ENPP6: variants seen among roughly 807,000 people sequenced by gnomAD.
The protein encoded by ENPP6 is glycerophosphocholine cholinephosphodiesterase ENPP6.
In ENPP6, 32 loss-of-function variants were observed where a neutral mutation model predicts 42.0. That is an observed-to-expected ratio of 0.76 (90% CI 0.58 to 1.02). ENPP6 has a LOEUF of 1.02. Ranked by LOEUF, ENPP6 falls within the 50% of genes least tolerant of loss-of-function variation. The pLI is 0.00. For missense variants in ENPP6, 552 were observed against 566.8 expected (o/e 0.97, Z 0.27); for synonymous variants, 213 against 216.0 (o/e 0.99, Z 0.12).
chr4:184,157,225 G>A (rs1737174521), intron 1 of ENPP6, among the ~76,000 whole-genome samples: 1 of 152,094 alleles, frequency 6.6e-6, no homozygotes, highest in South Asian at 2.1e-4. Context: ...TTTTGCATCC[G>A]CTGACCCCAC....
chr4:184,193,481 G>A (rs1435262206), intron 1 of ENPP6, among the ~76,000 whole-genome samples: 2 of 152,184 alleles, frequency 1.3e-5, no homozygotes, highest in African/African-American at 4.8e-5. Context: ...GTGAGGATGG[G>A]AAGCAACTGC....
intron 2 of ENPP6, among the ~76,000 whole-genome samples, chr4:184,125,220 T>C (rs1736483150): frequency 6.6e-6 from 1 of 152,146 alleles, no homozygotes; most frequent in Non-Finnish European, 1.5e-5. Flanking sequence ...CAGGCATCAC[T>C]TCCTCCTGAA....
intron 5 of ENPP6, among the ~76,000 whole-genome samples, chr4:184,116,457 G>A (rs1005479992): frequency 1.2e-4 from 18 of 152,108 alleles, no homozygotes; most frequent in Non-Finnish European, 2.5e-4. Context: ...AGGAAAGGCC[G>A]GGCGTGGTGG....
chr4:184,133,044 AAGT>A (rs1322072621), intron 2 of ENPP6, among the ~76,000 whole-genome samples: 3 of 152,088 alleles, frequency 2.0e-5, no homozygotes, highest in Admixed American at 2.0e-4. Flanking sequence ...TTGTAGTTTA[AAGT>A]AGGTCTGTAT....
intron 7 of ENPP6, among the ~76,000 whole-genome samples, chr4:184,094,165 A>C (rs1380011452): frequency 6.6e-6 from 1 of 151,746 alleles, no homozygotes; most frequent in Non-Finnish European, 1.5e-5. Flanking sequence ...TGTAGTCCCA[A>C]CTACTCAGGA....
rs191005965 is a variant in ENPP6, at chr4:184,117,723, G to C, written c.675+36C>G. Reference sequence around the variant, plus strand: ...GAGGAGACAAACAGAGGGTGACAGAGAGAAGGCCAGGCCACGTGTCTTTGC... The same window carrying C: ...GAGGAGACAAACAGAGGGTGACAGACAGAAGGCCAGGCCACGTGTCTTTGC... On this transcript the variant is annotated intron_variant, in intron 4 of 7. Coordinates refer to ENST00000296741, the MANE Select transcript of ENPP6 (RefSeq NM_153343.4). The C allele has an allele frequency of 6.4e-4, 1,033 of 1,607,880 alleles. 3 individuals carry two copies. The highest frequency in any genetic ancestry group is 6.7e-4 in the Non-Finnish European group (789 of 1,175,106).
intron 2 of ENPP6, among the ~76,000 whole-genome samples, chr4:184,124,483 C>T (rs948295129): frequency 5.3e-5 from 8 of 152,186 alleles, no homozygotes; most frequent in African/African-American, 1.9e-4. Flanking sequence ...CATTCCTATG[C>T]AACACTGGTG....
chr4:184,098,216 C>T (rs1390046487), intron 6 of ENPP6, among the ~76,000 whole-genome samples: 2 of 152,286 alleles, frequency 1.3e-5, no homozygotes, highest in South Asian at 4.1e-4. Flanking sequence ...CCAAATCACA[C>T]GCAGGTGCCG....
intron 5 of ENPP6, among the ~76,000 whole-genome samples, chr4:184,113,947 CTTTCTTTCTTTCT>C (rs1736267795): frequency 7.4e-6 from 1 of 134,444 alleles, no homozygotes; most frequent in Admixed American, 7.7e-5. Flanking sequence ...TTCTTTCTTT[CTTTCTTTCTTTCT>C]TTCTCTCTTT....
intron 6 of ENPP6, among the ~76,000 whole-genome samples, chr4:184,112,169 A>G (rs1335686322): frequency 6.6e-6 from 1 of 152,180 alleles, no homozygotes; most frequent in Admixed American, 6.5e-5. Context: ...GCCAACCAGG[A>G]GGAGGCTGTG....
At chr4:184,105,571 C>T in intron 6 of ENPP6, among the ~76,000 whole-genome samples, 1 of 152,184 alleles carries the variant, frequency 6.6e-6, no homozygotes. Context: ...GCTGAGCCGC[C>T]ATTAACTCAG....
intron 1 of ENPP6, among the ~76,000 whole-genome samples, chr4:184,183,803 G>A (rs769931656): frequency 2.0e-5 from 3 of 152,250 alleles, no homozygotes; most frequent in Admixed American, 6.5e-5. Flanking sequence ...GGAAACACTC[G>A]GCAACTGCCT....
chr4:184,203,478 T>C lies in ENPP6; in HGVS notation c.241+14101A>G, dbSNP rs181878318. 2.8e-3 allele frequency among the ~76,000 whole-genome samples: 424 copies of C among 152,194 alleles called. 3 individuals are homozygous for C. The highest frequency in any genetic ancestry group is 9.8e-3 in the African/African-American group (408 of 41,534). Reference sequence around the variant, plus strand: ...ATTAGAAATAAGCCCTTTGCAGACATAGTCAAGTTAAGATGATGTCATTAA... The same window carrying C: ...ATTAGAAATAAGCCCTTTGCAGACACAGTCAAGTTAAGATGATGTCATTAA... On this transcript the variant is annotated intron_variant, in intron 1 of 7. Transcript: ENST00000296741.
intron 1 of ENPP6, among the ~76,000 whole-genome samples, chr4:184,169,956 C>T (rs1451994279): frequency 6.6e-6 from 1 of 152,178 alleles, no homozygotes; most frequent in Non-Finnish European, 1.5e-5. Context: ...ACCAGACATC[C>T]CATCTGAAGT....
At chr4:184,170,373 T>C (rs1383008249) in intron 1 of ENPP6, among the ~76,000 whole-genome samples, 1 of 150,824 alleles carries the variant, frequency 6.6e-6, no homozygotes, top group Admixed American at 6.7e-5. Flanking sequence ...AAGGTTGTGG[T>C]GAGCCGAGAT....
rs978180625 is a variant in ENPP6 at position 184,112,477 on chromosome 4, G to A, written c.993+195C>T. On this transcript the variant is annotated intron_variant, in intron 6 of 7. Transcript: ENST00000296741. ...GCCACGAAGTCTAAACCATGACTCTGGGTTCGCGTCTACAGTTGTGTCTAC... is the reference window on the plus strand; with the variant it reads ...GCCACGAAGTCTAAACCATGACTCTAGGTTCGCGTCTACAGTTGTGTCTAC... 9.8e-5 allele frequency: 62 copies of A among 632,426 alleles called. No homozygotes were observed. In the African/African-American group the frequency reaches 1.1e-3, roughly 11 times the overall value. The allele number at this position is 632,426 out of a possible 1,614,324, so 39.2% of individuals were successfully genotyped here.
intron 1 of ENPP6, among the ~76,000 whole-genome samples, chr4:184,175,281 C>T (rs1464446255): frequency 2.6e-5 from 4 of 152,202 alleles, no homozygotes; most frequent in South Asian, 2.1e-4. Context: ...CCTGCTTCAG[C>T]AAGCCAAGAT....
chr4:184,113,954 T>TCTTTCTTTCTTTCTTC (rs1736269499), intron 5 of ENPP6, among the ~76,000 whole-genome samples: 1 of 147,308 alleles, frequency 6.8e-6, no homozygotes, highest in Non-Finnish European at 1.5e-5. Flanking sequence ...TTTCTTTCTT[T>TCTTTCTTTCTTTCTTC]CTTTCTTTCT....
chr4:184,141,611 T>G (rs1455646773), intron 2 of ENPP6, among the ~76,000 whole-genome samples: 1 of 152,164 alleles, frequency 6.6e-6, no homozygotes, highest in Non-Finnish European at 1.5e-5. Flanking sequence ...GGCTCAGTTT[T>G]TAGGACCTCC....
Sources: gnomAD v4.1 joint callset for allele counts (sites outside exome capture counted in the v4.1 genomes callset) on GRCh38, gnomAD v4.1.1 for gene constraint, MANE v1.5 for transcripts, NCBI Gene and HGNC (gene_info 2026-07-23, HGNC 2026-07-21) for gene names.